The following MAGI2 variants were observed in gnomAD, a reference collection of about 807,000 sequenced individuals.
MAGI2 encodes the protein membrane-associated guanylate kinase, WW and PDZ domain-containing protein 2.
Under a neutral mutation model 133.3 loss-of-function variants are expected in MAGI2, and 35 were observed. The ratio of observed to expected loss-of-function variants is 0.26; its 90% confidence interval spans 0.20 to 0.35. The LOEUF (loss-of-function observed/expected upper bound fraction) is 0.35. Among genes scored for constraint, MAGI2 ranks in the 10% least tolerant of loss-of-function variants. MAGI2 has a pLI of 1.00. For synonymous variants in MAGI2, 729 were observed against 710.6 expected, an observed-to-expected ratio of 1.03 and a Z score of -0.41; for missense variants, 1,636 against 1,863.4, an observed-to-expected ratio of 0.88 and a Z score of 2.25.
At chr7:78,735,235 AT>A (rs1429563839) in intron 2 of MAGI2, among the ~76,000 whole-genome samples, 2 of 152,098 alleles carry the variant, frequency 1.3e-5, no homozygotes, top group Non-Finnish European at 2.9e-5. Context: ...AAGACCTTAT[AT>A]TTCTTTGTTT....
chr7:78,466,250 C>T (rs1418100755), intron 6 of MAGI2, among the ~76,000 whole-genome samples: 1 of 152,196 alleles, frequency 6.6e-6, no homozygotes, highest in Non-Finnish European at 1.5e-5. Context: ...TGCTCCCTTT[C>T]CACTCAGCCT....
At chr7:78,383,636 C>A (rs1210463938) in intron 6 of MAGI2, among the ~76,000 whole-genome samples, 1 of 151,738 alleles carries the variant, frequency 6.6e-6, no homozygotes, top group East Asian at 1.9e-4. Context: ...TGTTTTTGTT[C>A]TCTGTGCTTT....
chr7:78,534,763 C>G (rs932474728), intron 3 of MAGI2, among the ~76,000 whole-genome samples: 2 of 152,140 alleles, frequency 1.3e-5, no homozygotes, highest in Non-Finnish European at 2.9e-5. Flanking sequence ...TTTCCTGCTT[C>G]TGATAGTGGG....
At chr7:78,929,162 T>C (rs549022428) in intron 2 of MAGI2, among the ~76,000 whole-genome samples, 1 of 152,228 alleles carries the variant, frequency 6.6e-6, no homozygotes, top group East Asian at 1.9e-4. Flanking sequence ...GAGCAGTTTA[T>C]CTTATAAAAA....
intron 7 of MAGI2, among the ~76,000 whole-genome samples, chr7:78,350,771 A>C (rs1791423513): frequency 6.6e-6 from 1 of 152,122 alleles, no homozygotes; most frequent in African/African-American, 2.4e-5. Context: ...GGAAAGTCTT[A>C]AATACTGAGC....
intron 21 of MAGI2, among the ~76,000 whole-genome samples, chr7:78,036,297 A>T (rs950435607): frequency 6.6e-6 from 1 of 152,212 alleles, no homozygotes; most frequent in Admixed American, 6.5e-5. Context: ...ATCATAAGTG[A>T]TATAATATCT....
intron 10 of MAGI2, among the ~76,000 whole-genome samples, chr7:78,234,611 TA>T: frequency 1.3e-5 from 1 of 76,590 alleles, no homozygotes; most frequent in Non-Finnish European, 3.7e-5. Flanking sequence ...ATATATTTCA[TA>T]TTCATTATAT....
chr7:79,346,397 T>C (rs1172681025), intron 1 of MAGI2, among the ~76,000 whole-genome samples: 3 of 151,988 alleles, frequency 2.0e-5, no homozygotes, highest in Non-Finnish European at 4.4e-5. Context: ...TACCATGAGT[T>C]TTTCCCTTCT....
At chr7:78,641,496 C>A (rs1810303314) in intron 2 of MAGI2, among the ~76,000 whole-genome samples, 1 of 152,134 alleles carries the variant, frequency 6.6e-6, no homozygotes, top group Non-Finnish European at 1.5e-5. Flanking sequence ...CAGATTTAAC[C>A]CGTAAGAAGT....
intron 10 of MAGI2, among the ~76,000 whole-genome samples, chr7:78,220,997 G>C (rs773884497): frequency 2.0e-5 from 3 of 152,086 alleles, no homozygotes; most frequent in Non-Finnish European, 2.9e-5. Context: ...CCTCTCTAAG[G>C]CTACCGTACC....
At chr7:79,300,422 T>C (rs565561400) in intron 1 of MAGI2, among the ~76,000 whole-genome samples, 2 of 152,304 alleles carry the variant, frequency 1.3e-5, no homozygotes, top group South Asian at 2.1e-4. Flanking sequence ...GACTTAGTGA[T>C]ATATGAAAGT....
At chr7:78,888,138 C>G (rs1796419969) in intron 2 of MAGI2, among the ~76,000 whole-genome samples, 1 of 152,174 alleles carries the variant, frequency 6.6e-6, no homozygotes, top group South Asian at 2.1e-4. Flanking sequence ...ATTGCTAGCA[C>G]AGAAATCTGA....
chr7:78,691,765 T>C (rs979503797), intron 2 of MAGI2, among the ~76,000 whole-genome samples: 4 of 152,112 alleles, frequency 2.6e-5, no homozygotes, highest in Admixed American at 2.0e-4. Context: ...GGAAGATCAA[T>C]AGACAAAGCA....
intron 1 of MAGI2, among the ~76,000 whole-genome samples, chr7:79,193,405 T>C (rs1402114400): frequency 6.6e-6 from 1 of 151,918 alleles, no homozygotes; most frequent in East Asian, 1.9e-4. Context: ...AAATATGAAA[T>C]ACAAACAGTT....
chr7:79,157,703 C>T lies in MAGI2; in HGVS notation c.302-150497G>A, dbSNP rs190195473. ...AAATGGAAGTAATATGGTCTTTGTGCACATTTACATTAAGGTAAAGAGCCC... is the reference window on the plus strand; with the variant it reads ...AAATGGAAGTAATATGGTCTTTGTGTACATTTACATTAAGGTAAAGAGCCC... On this transcript the variant is annotated intron_variant, in intron 1 of 21. Transcript: ENST00000354212. Among the ~76,000 whole-genome samples, 50 of 152,072 alleles carry T rather than the reference C, an allele frequency of 3.3e-4. 1 individual carries two copies. The highest frequency in any genetic ancestry group is 1.0e-3 in the African/African-American group (43 of 41,502).
At chr7:78,888,239 A>C (rs902945774) in intron 2 of MAGI2, among the ~76,000 whole-genome samples, 5 of 152,186 alleles carry the variant, frequency 3.3e-5, no homozygotes, top group African/African-American at 1.2e-4. Flanking sequence ...AGGAAGCTCG[A>C]ATTGGGTGGA....
chr7:78,553,645 C>T (rs143640576), intron 3 of MAGI2, among the ~76,000 whole-genome samples: 1 of 152,330 alleles, frequency 6.6e-6, no homozygotes, highest in East Asian at 1.9e-4. Flanking sequence ...GTTCTAGACA[C>T]TGTCCTGGGT....
At chr7:78,564,008 A>C (rs1367972232) in intron 3 of MAGI2, among the ~76,000 whole-genome samples, 1 of 152,228 alleles carries the variant, frequency 6.6e-6, no homozygotes, top group Non-Finnish European at 1.5e-5. Context: ...TTGCTAACAC[A>C]TATTACACAG....
intron 10 of MAGI2, among the ~76,000 whole-genome samples, chr7:78,216,569 C>T (rs78218663): frequency 0.028 from 4,229 of 152,284 alleles, 204 homozygotes; most frequent in African/African-American, 0.097. Context: ...CCACAGGGAC[C>T]TTCTTTCAGA....
Sources: gnomAD v4.1 joint callset for allele counts (sites outside exome capture counted in the v4.1 genomes callset) on GRCh38, gnomAD v4.1.1 for gene constraint, MANE v1.5 for transcripts, NCBI Gene and HGNC (gene_info 2026-07-23, HGNC 2026-07-21) for gene names.